SVEP1: variants seen among roughly 807,000 people sequenced by gnomAD.
SVEP1 encodes the protein sushi, von Willebrand factor type A, EGF and pentraxin domain containing 1, also known as sushi, von Willebrand factor type A, EGF and pentraxin domain-containing protein 1.
SVEP1 carries 164 observed loss-of-function variants against 367.3 expected under a neutral mutation model. The observed-to-expected ratio is 0.45, with a 90% CI of 0.39 to 0.51. The LOEUF (loss-of-function observed/expected upper bound fraction) is 0.51, where lower values mean the gene tolerates loss of function less well. Among genes scored for constraint, SVEP1 ranks in the 20% least tolerant of loss-of-function variants. The probability of loss-of-function intolerance (pLI) is 0.00; values close to 1 mark genes in which losing one functional copy is unlikely to be tolerated. For synonymous variants in SVEP1, 1,666 were observed against 1,611.6 expected (o/e 1.03, Z -0.81); for missense variants, 4,117 against 4,425.3 (o/e 0.93, Z 1.98).
At position 110,579,181 on chromosome 9, in the gene SVEP1, G is replaced by A. The variant is rs1830661932; in HGVS notation, c.363C>T (p.Arg121=). 8.9e-6 allele frequency: 14 copies of A among 1,567,516 alleles called. No homozygotes were observed. The highest frequency in any genetic ancestry group is 1.4e-5 in the African/African-American group (1 of 73,746). ...SDFPVVPTAT[R]VAIVTFSSKN... ...TGGACGAGAAGGTCACGATGGCCAC[G>A]CGCGTGGCCGTGGGCACCACGGGGA... is the stretch of plus-strand genomic sequence containing the variant. The change falls in exon 1 of 48, where the codon CGC becomes CGT. Residue 121 remains arginine, a synonymous_variant. Transcript: ENST00000374469. This position sits in a 1 kb window ranked among gnomAD's most constrained non-coding sequence, Gnocchi z 5.3.
rs142648131 is a variant in SVEP1 at position 110,512,237 on chromosome 9, T to A, written c.1303+689A>T. Among the ~76,000 whole-genome samples, 1,317 of 152,254 alleles carry A rather than the reference T, an allele frequency of 8.7e-3. 26 individuals are homozygous for A. The highest frequency in any genetic ancestry group is 0.029 in the African/African-American group (1,222 of 41,540). On this transcript the variant is annotated intron_variant, in intron 5 of 47. Transcript: ENST00000374469. ...TCAAGTCCCTTTGCTCGCCCCCCTTTTACCTTTTCTTAAATATCCTCCTCT... is the reference window on the plus strand; with the variant it reads ...TCAAGTCCCTTTGCTCGCCCCCCTTATACCTTTTCTTAAATATCCTCCTCT...
At chr9:110,393,950 A>G (rs139975131) in intron 40 of SVEP1, among the ~76,000 whole-genome samples, 8,987 of 152,200 alleles carry the variant, frequency 0.059, 363 homozygotes, top group African/African-American at 0.11. Flanking sequence ...AGACAAACAA[A>G]AAGACGGCAG....
chr9:110,500,162 CTG>C (rs143975782), intron 6 of SVEP1, among the ~76,000 whole-genome samples: 8,928 of 152,258 alleles, frequency 0.059, 456 homozygotes, highest in Non-Finnish European at 0.089. Context: ...TCTTTCCAAA[CTG>C]TGCCAGCAAA....
At chr9:110,455,425 A>G (rs1828762750) in intron 22 of SVEP1, among the ~76,000 whole-genome samples, 165 bp downstream of exon 22, 1 of 152,256 alleles carries the variant, frequency 6.6e-6, no homozygotes, top group Non-Finnish European at 1.5e-5. Flanking sequence ...GAAAAGGACA[A>G]GAACACTTTC....
chr9:110,507,503 C>A (rs1040129495), intron 5 of SVEP1, among the ~76,000 whole-genome samples: 1 of 152,148 alleles, frequency 6.6e-6, no homozygotes, highest in African/African-American at 2.4e-5. Context: ...ATCCATTACT[C>A]CTTAGAGAAA....
chr9:110,387,604 G>A, intron 41 of SVEP1, 146 bp from the exon 42 acceptor site: 1 of 866,100 alleles, frequency 1.2e-6, no homozygotes, highest in Non-Finnish European at 1.7e-6. Flanking sequence ...CATTGAAGGA[G>A]AAAAATATAG....
At chr9:110,466,185 G>A (rs1828934238) in intron 17 of SVEP1, among the ~76,000 whole-genome samples, 159 bp from the exon 18 acceptor site, 1 of 152,184 alleles carries the variant, frequency 6.6e-6, no homozygotes, top group East Asian at 1.9e-4. Flanking sequence ...TACGCATATT[G>A]TGGCACCACC....
intron 43 of SVEP1, among the ~76,000 whole-genome samples, chr9:110,383,511 T>C (rs1026633595): frequency 6.6e-6 from 1 of 151,558 alleles, no homozygotes; most frequent in African/African-American, 2.4e-5. Flanking sequence ...GTATAAGGTG[T>C]CTGGTGACCC....
chr9:110,390,052 C>CAT (rs1564127126), intron 40 of SVEP1, among the ~76,000 whole-genome samples: 4 of 110,504 alleles, frequency 3.6e-5, no homozygotes, highest in Non-Finnish European at 7.3e-5. Context: ...TATATATACA[C>CAT]GTATATATAT....
At chr9:110,378,274 C>G (rs1037783716) in intron 44 of SVEP1, among the ~76,000 whole-genome samples, 1 of 152,168 alleles carries the variant, frequency 6.6e-6, no homozygotes, top group Non-Finnish European at 1.5e-5. Context: ...TGTCCCCCCT[C>G]AAAAGGCTCT....
chr9:110,386,009 C>CATA lies in SVEP1; in HGVS notation c.10123_10125dup (p.Tyr3375dup). ...CATTTGATGGACACATTCTGATCAA[C>CATA]ATAAAACTCCTTTTCAGACAGCAGA... On this transcript the variant is annotated inframe_insertion, in exon 43 of 48. Coordinates refer to ENST00000374469, the MANE Select transcript of SVEP1 (RefSeq NM_153366.4). The CATA allele has an allele frequency of 6.2e-7, 1 of 1,613,826 alleles. No individual in the cohort carries two copies. Among genetic ancestry groups the CATA allele is most frequent in the Non-Finnish European group, 8.5e-7 (1 of 1,179,804 alleles).
In SVEP1 at chr9:110,483,649, C is replaced by T. The variant is rs1378123881; in HGVS notation, c.1975G>A (p.Val659Ile). Residue 659 changes from valine (V) to isoleucine (I), a missense_variant, in exon 10 of 48, where the codon GTC becomes ATC. This residue lies in a region of SVEP1 where 2,174 missense variants were observed against 2,494.3 expected (regional missense o/e 0.87). Coordinates refer to ENST00000374469, the MANE Select transcript of SVEP1 (RefSeq NM_153366.4). The stretch of plus-strand genomic sequence containing the variant: ...GCATGTACCTTCTCCGAGACCTGGA[C>T]GGGAGGTGGAGATCTGCACCAGTCT... ...VIDWCRSPPP[V>I]QVSEKVHAAS... 10 of 1,611,066 alleles carry T rather than the reference C, an allele frequency of 6.2e-6. No individual in the cohort carries two copies. The highest frequency in any genetic ancestry group is 2.7e-5 in the African/African-American group (2 of 74,642).
intron 34 of SVEP1, among the ~76,000 whole-genome samples, chr9:110,429,697 G>A (rs1215088762): frequency 6.6e-6 from 1 of 151,922 alleles, no homozygotes; most frequent in Non-Finnish European, 1.5e-5. Context: ...GGGCACTGGA[G>A]GTAATGATAG....
At chr9:110,577,705 C>T (rs375673932) in intron 1 of SVEP1, among the ~76,000 whole-genome samples, 79 of 152,046 alleles carry the variant, frequency 5.2e-4, no homozygotes, top group Middle Eastern at 3.4e-3. Context: ...AAAAGAATTA[C>T]TGGCCTCACT....
intron 5 of SVEP1, among the ~76,000 whole-genome samples, chr9:110,511,096 A>C (rs1277857218): frequency 1.3e-5 from 2 of 152,224 alleles, no homozygotes; most frequent in Non-Finnish European, 1.5e-5. Flanking sequence ...GTTGTTTCTA[A>C]CTATGAAATG....
rs937182505 is a variant in SVEP1, at chr9:110,377,452, ACTATTTCCTTGAGTCAAG to A, written c.10409-104_10409-87del. ...ATAGAATTGCCCCTTTATATCTCAT[ACTATTTCCTTGAGTCAAG>A]CTTTCAGGAAGAGAGACAAAAATCG... On this transcript the variant is annotated intron_variant, in intron 44 of 47. Transcript: ENST00000374469. The A allele has an allele frequency of 8.0e-5, 98 of 1,224,368 alleles. No homozygotes were observed. The African/African-American group carries it at 1.4e-3, about 17-fold the overall frequency. 75.8% of individuals were successfully genotyped at this position (1,224,368 alleles called of 1,614,324 possible).
chr9:110,429,643 A>C (rs1828320848), intron 34 of SVEP1, among the ~76,000 whole-genome samples: 1 of 152,168 alleles, frequency 6.6e-6, no homozygotes, highest in African/African-American at 2.4e-5. Context: ...AGACATCAAG[A>C]GTATTCATTA....
chr9:110,497,232 C>G (rs1829464558), intron 7 of SVEP1, among the ~76,000 whole-genome samples: 1 of 152,208 alleles, frequency 6.6e-6, no homozygotes, highest in South Asian at 2.1e-4. Context: ...TTACCTGGGC[C>G]CTTACCTATG....
intron 14 of SVEP1, 59 bp from the exon 15 acceptor site, chr9:110,472,382 G>T (rs910752602): frequency 6.8e-7 from 1 of 1,477,254 alleles, no homozygotes; most frequent in African/African-American, 1.4e-5. Context: ...TCAGCGTTCA[G>T]GTTCTAATGT....
Sources: gnomAD v4.1 joint callset for allele counts (sites outside exome capture counted in the v4.1 genomes callset) on GRCh38, gnomAD v4.1.1 for gene constraint, gnomAD v4.1.1 regional missense constraint, Gnocchi (gnomAD v3.1) non-coding constraint, MANE v1.5 for transcripts, NCBI Gene and HGNC (gene_info 2026-07-23, HGNC 2026-07-21) for gene names.